ZBTB16: variants seen among roughly 807,000 people sequenced by gnomAD.
ZBTB16 encodes the protein zinc finger and BTB domain containing 16.
A neutral mutation model predicts 56.8 loss-of-function variants in ZBTB16; 8 were observed. The ratio of observed to expected loss-of-function variants is 0.14; its 90% CI spans 0.08 to 0.25. ZBTB16 has a LOEUF of 0.25. Ranked by LOEUF, ZBTB16 falls within the 10% of genes least tolerant of loss-of-function variation. The pLI is 1.00. For synonymous variants in ZBTB16, 363 were observed against 368.5 expected (o/e 0.98, Z 0.17); for missense variants, 625 against 903.0 (o/e 0.69, Z 3.95).
intron 4 of ZBTB16, among the ~76,000 whole-genome samples, chr11:114,236,643 T>C (rs965231975): frequency 2.6e-5 from 4 of 152,198 alleles, no homozygotes; most frequent in Non-Finnish European, 5.9e-5. Flanking sequence ...GTCTGAACTT[T>C]CCTCATCCCT....
chr11:114,245,998 C>T (rs917605790), intron 5 of ZBTB16, among the ~76,000 whole-genome samples: 3 of 152,150 alleles, frequency 2.0e-5, no homozygotes, highest in African/African-American at 7.2e-5. Flanking sequence ...TAGCTGGAGT[C>T]CTCACCTTTC....
chr11:114,099,823 C>A (rs527398739), intron 2 of ZBTB16, among the ~76,000 whole-genome samples: 2 of 152,346 alleles, frequency 1.3e-5, no homozygotes, highest in South Asian at 4.1e-4. Flanking sequence ...AAACACATTG[C>A]GCTACAGTCA....
At chr11:114,075,056 G>A (rs894938387) in intron 2 of ZBTB16, among the ~76,000 whole-genome samples, 6 of 152,224 alleles carry the variant, frequency 3.9e-5, no homozygotes, top group African/African-American at 7.2e-5. Flanking sequence ...AGACCCCCAC[G>A]TGCTAGCAGG....
At chr11:114,148,545 GTGCAGTGGTACGATCTCGACTTAC>G (rs1942200375) in intron 2 of ZBTB16, among the ~76,000 whole-genome samples, 1 of 150,024 alleles carries the variant, frequency 6.7e-6, no homozygotes, top group Non-Finnish European at 1.5e-5. Context: ...CTAGGCTGGA[GTGCAGTGGTACGATCTCGACTTAC>G]TGCAACCTCT....
At chr11:114,149,183 A>G (rs982855703) in intron 2 of ZBTB16, among the ~76,000 whole-genome samples, 1 of 152,190 alleles carries the variant, frequency 6.6e-6, no homozygotes, top group Non-Finnish European at 1.5e-5. Context: ...GCATTGTTGC[A>G]GAGGTGTCAA....
At chr11:114,066,378 A>C (rs1354750873) in intron 2 of ZBTB16, among the ~76,000 whole-genome samples, 1 of 152,192 alleles carries the variant, frequency 6.6e-6, no homozygotes, top group Non-Finnish European at 1.5e-5. Flanking sequence ...ACCGCTCAGA[A>C]ATAGACTGAG....
In ZBTB16 at chr11:114,255,917, T is replaced by C. The variant is rs1312664963; in HGVS notation, c.*5362T>C. 1.3e-5 allele frequency among the ~76,000 whole-genome samples: 2 copies of C among 152,076 alleles called. No homozygotes were observed. The highest frequency in any genetic ancestry group is 2.9e-5 in the Non-Finnish European group (2 of 68,030). ...AAGTCTCATAAGAAAAATAGCAATG[T>C]TCAGTTGTATACCTTGAATCTGCAG... On this transcript the variant is annotated 3_prime_UTR_variant, in exon 7 of 7. Transcript: ENST00000335953.
chr11:114,136,393 C>G (rs1291670048), intron 2 of ZBTB16, among the ~76,000 whole-genome samples: 1 of 152,100 alleles, frequency 6.6e-6, no homozygotes, highest in Non-Finnish European at 1.5e-5. Flanking sequence ...GGGAGGGACT[C>G]TTGAGCTCAT....
intron 2 of ZBTB16, among the ~76,000 whole-genome samples, chr11:114,117,836 A>C (rs1249854183): frequency 7.2e-5 from 11 of 152,260 alleles, no homozygotes; most frequent in Non-Finnish European, 1.3e-4. Flanking sequence ...TTCCTGGCAG[A>C]AAACAGTATT....
chr11:114,166,484 T>C (rs1942762051), intron 3 of ZBTB16, among the ~76,000 whole-genome samples: 1 of 152,108 alleles, frequency 6.6e-6, no homozygotes, highest in Non-Finnish European at 1.5e-5. Context: ...TGTGTTTGTG[T>C]GTCCAAGCAT....
intron 2 of ZBTB16, among the ~76,000 whole-genome samples, chr11:114,112,848 C>T (rs183446105): frequency 4.6e-5 from 7 of 150,880 alleles, no homozygotes; most frequent in African/African-American, 7.3e-5. Context: ...ACTGTAGCCT[C>T]GACCTTCCAG....
chr11:114,091,864 C>A (rs1940205659), intron 2 of ZBTB16, among the ~76,000 whole-genome samples: 1 of 152,124 alleles, frequency 6.6e-6, no homozygotes, highest in South Asian at 2.1e-4. Flanking sequence ...CAGTGGTATT[C>A]TGGGATGATT....
At chr11:114,172,947 G>A (rs140546703) in intron 3 of ZBTB16, among the ~76,000 whole-genome samples, 16 of 152,308 alleles carry the variant, frequency 1.1e-4, no homozygotes, top group African/African-American at 3.6e-4. Context: ...GTTTTGAAAA[G>A]TGTGGCATCT....
At chr11:114,093,653 G>A (rs1455777607) in intron 2 of ZBTB16, among the ~76,000 whole-genome samples, 1 of 152,216 alleles carries the variant, frequency 6.6e-6, no homozygotes, top group Admixed American at 6.5e-5. Context: ...CCACTTCTGT[G>A]TCCAGCAGCT....
At chr11:114,073,141 G>A (rs1939412364) in intron 2 of ZBTB16, among the ~76,000 whole-genome samples, 1 of 152,014 alleles carries the variant, frequency 6.6e-6, no homozygotes, top group Admixed American at 6.6e-5. Context: ...GTGACCAGGG[G>A]GCTCATGGCT....
intron 4 of ZBTB16, among the ~76,000 whole-genome samples, chr11:114,226,140 C>T (rs982169222): frequency 6.6e-6 from 1 of 152,048 alleles, no homozygotes; most frequent in African/African-American, 2.4e-5. Context: ...GATTCCTATA[C>T]AGAATTGGGA....
At chr11:114,122,409 T>C (rs929976747) in intron 2 of ZBTB16, among the ~76,000 whole-genome samples, 3 of 152,220 alleles carry the variant, frequency 2.0e-5, no homozygotes, top group African/African-American at 7.2e-5. Context: ...GAGAAGACAC[T>C]GGCTTGGCTC....
At chr11:114,086,287 C>A (rs1746787847) in intron 2 of ZBTB16, among the ~76,000 whole-genome samples, 1 of 152,110 alleles carries the variant, frequency 6.6e-6, no homozygotes, top group African/African-American at 2.4e-5. Flanking sequence ...ACTCCCCCAC[C>A]CCCACTGGCA....
intron 2 of ZBTB16, among the ~76,000 whole-genome samples, chr11:114,082,865 C>G (rs34734241): frequency 0.024 from 3,676 of 152,262 alleles, 285 homozygotes; most frequent in Admixed American, 0.17. Flanking sequence ...AATAGAAACC[C>G]AGTCTCCCCT....
Sources: allele counts gnomAD v4.1 joint callset (sites outside exome capture counted in the v4.1 genomes callset), GRCh38; gene constraint gnomAD v4.1.1; transcripts MANE v1.5; gene names NCBI Gene and HGNC (gene_info 2026-07-23, HGNC 2026-07-21).